The following FBN3 variants were observed in gnomAD, a reference collection of about 807,000 sequenced individuals.
FBN3 encodes fibrillin 3, also known as fibrillin-3.
Under a neutral mutation model 330.1 loss-of-function variants are expected in FBN3, and 234 were observed. The observed-to-expected ratio is 0.71, with a 90% CI of 0.64 to 0.79. The LOEUF (loss-of-function observed/expected upper bound fraction) is 0.79. FBN3 is among the 30% of genes least tolerant of loss of function. The pLI is 0.00. For missense variants in FBN3, 3,606 were observed against 3,886.9 expected (o/e 0.93, Z 1.92); for synonymous variants, 1,458 against 1,517.3 (o/e 0.96, Z 0.91).
intron 30 of FBN3, 52 bp from the exon 31 acceptor site, chr19:8,112,151 C>G (rs368882048): frequency 6.3e-7 from 1 of 1,588,586 alleles, no homozygotes; most frequent in Non-Finnish European, 8.6e-7. Flanking sequence ...AGGAAAGACT[C>G]GATGCAATAG....
chr19:8,126,437 G>A (rs1220384514), intron 20 of FBN3, 31 bp downstream of exon 20: 3 of 1,602,612 alleles, frequency 1.9e-6, no homozygotes, highest in Non-Finnish European at 1.7e-6. Flanking sequence ...TTTTCCCATG[G>A]GTGCCTGGGA....
At position 8,138,275 on chromosome 19, in the gene FBN3, T is replaced by C. The variant is rs1399998747; in HGVS notation, c.1067A>G (p.His356Arg). The C allele has an allele frequency of 9.3e-6, 15 of 1,612,580 alleles. No homozygotes were observed. Among genetic ancestry groups the C allele is most frequent in the Non-Finnish European group, 1.2e-5 (14 of 1,179,636 alleles). Residue 356 changes from histidine (H) to arginine (R), a missense_variant, in exon 10 of 64, where the codon CAC (histidine) becomes CGC (arginine). Transcript: ENST00000600128. ...CAGGAGGCCAGGGAAGAGGCCAGGG[T>C]GGCCGGGTAGCAGCGGCAGCCGCTG... Reference protein sequence around the residue: ...CAQRLPLLPGHPGLFPGLLGF... With the variant: ...CAQRLPLLPGRPGLFPGLLGF...
rs1271159040 is a variant in FBN3 at position 8,086,993 on chromosome 19, A to ACCGTG, written c.6754+79_6754+83dup. On this transcript the variant is annotated intron_variant, in intron 54 of 63. Coordinates refer to ENST00000600128, the MANE Select transcript of FBN3 (RefSeq NM_032447.5). ...AGTGCTGGGATGACAGGTATGAGTC[A>ACCGTG]CCGTGCCCGGTCCAACCCTCTTGCT... 2.0e-6 allele frequency: 3 copies of ACCGTG among 1,502,158 alleles called. No individual in the cohort carries two copies. In the East Asian group the frequency reaches 7.6e-5, roughly 38 times the overall value. 93.1% of individuals were successfully genotyped at this position (1,502,158 alleles called of 1,614,324 possible). A position where few individuals can be genotyped will look rare whatever the true frequency, so the allele number is the denominator to read the frequency against.
chr19:8,105,146 G>A (rs1231482138), intron 38 of FBN3, among the ~76,000 whole-genome samples: 2 of 151,642 alleles, frequency 1.3e-5, no homozygotes, highest in African/African-American at 4.8e-5. Context: ...GTAGAGATGG[G>A]GTTTCACTAT....
chr19:8,124,073 G>A, intron 22 of FBN3, 65 bp from the exon 23 acceptor site: 1 of 1,374,496 alleles, frequency 7.3e-7, no homozygotes, highest in South Asian at 1.2e-5. Flanking sequence ...GGACAGGCGT[G>A]CCGCTCAGTC....
Position 8,081,353 on chromosome 19 carries a change from A to G in FBN3, c.7336+5T>C. The G allele has an allele frequency of 6.3e-7, 1 of 1,596,010 alleles. No individual in the cohort carries two copies. The highest frequency in any genetic ancestry group is 8.5e-7 in the Non-Finnish European group (1 of 1,171,350). ...GGGAGTGGGGGAGAGTTGAAAGGAC[A>G]TCACCTTTGCAGGTCCTGCCATCCT... On this transcript the variant is annotated splice_donor_5th_base_variant and intron_variant, in intron 58 of 63. Transcript: ENST00000600128.
At chr19:8,117,768 A>G (rs944778968) in intron 26 of FBN3, among the ~76,000 whole-genome samples, 179 bp from the exon 27 acceptor site, 1 of 152,050 alleles carries the variant, frequency 6.6e-6, no homozygotes, top group Non-Finnish European at 1.5e-5. Context: ...TCACTCTCCT[A>G]TAAGCACAGA....
At position 8,106,103 on chromosome 19, in the gene FBN3, C is replaced by T. The variant is rs776739284; in HGVS notation, c.4813+5G>A. The T allele has an allele frequency of 1.9e-6, 3 of 1,614,052 alleles. No homozygotes were observed. The highest frequency in any genetic ancestry group is 2.5e-6 in the Non-Finnish European group (3 of 1,179,934). ...TGACCCACCCCAAAGAGAATCCATG[C>T]TCACCCTCACAGATGCGGGTGTGCT... On this transcript the variant is annotated splice_donor_5th_base_variant and intron_variant, in intron 38 of 63. Coordinates refer to ENST00000600128, the MANE Select transcript of FBN3 (RefSeq NM_032447.5).
chr19:8,090,170 C>A lies in FBN3; in HGVS notation c.6113G>T (p.Arg2038Leu), dbSNP rs773707233. 2.5e-6 allele frequency: 4 copies of A among 1,614,058 alleles called. No individual in the cohort carries two copies. The South Asian group carries it at 4.4e-5, about 18-fold the overall frequency. The change falls in exon 49 of 64, where the codon CGC (arginine) becomes CTC (leucine). Residue 2038 changes from arginine to leucine, a missense_variant. Transcript: ENST00000600128. ...VPKAFNTTKT[R>L]CCCSKRPGEG... ...CCCAGGCCTCTTACTGCAGCAGCAG[C>A]GGGTCTTGGTGGTGTTGAAAGCTTT... is the stretch of plus-strand genomic sequence containing the variant.
intron 54 of FBN3, 110 bp downstream of exon 54, chr19:8,086,963 CCCAA>C: frequency 3.0e-6 from 4 of 1,346,396 alleles, no homozygotes; most frequent in Non-Finnish European, 4.0e-6. Context: ...GCCTCAGCCT[CCCAA>C]AGTGCTGGGA....
chr19:8,109,289 C>T lies in FBN3; in HGVS notation c.4556G>A (p.Cys1519Tyr). 6.2e-7 allele frequency: 1 copy of T among 1,614,200 alleles called. No homozygotes were observed. The highest frequency in any genetic ancestry group is 8.5e-7 in the Non-Finnish European group (1 of 1,180,040). The change falls in exon 36 of 64, where the codon TGC (cysteine) becomes TAC (tyrosine). Residue 1519 changes from cysteine to tyrosine, a missense_variant. Transcript: ENST00000600128. The surrounding 1 kb of genome is among the most constrained non-coding windows in gnomAD (Gnocchi z 5.2). ...CCAAGCCCGGCCCAGGGAGCAACAG[C>T]AGGAAGCTCGGGTGACACCAACTCC... ...EIGVGVTRASCCCSLGRAWGN... is the reference protein window; with the variant it reads ...EIGVGVTRASYCCSLGRAWGN...
At position 8,066,045 on chromosome 19, in the gene FBN3, C is replaced by G; in HGVS notation, c.8304G>C (p.Pro2768=). The G allele has an allele frequency of 6.2e-7, 1 of 1,613,160 alleles. No individual in the cohort carries two copies. Among genetic ancestry groups the G allele is most frequent in the Non-Finnish European group, 8.5e-7 (1 of 1,179,980 alleles). ...CCTCCAGCCGGTAGGTTCCAGGCCC[C>G]GGCCGCCTCCGCCCCAGCTGCAGGG... is the stretch of plus-strand genomic sequence containing the variant. ...VSSLQLGRRR[P]GPGTYRLEVV... The change falls in exon 64 of 64, where the codon CCG becomes CCC. Residue 2768 remains proline (P), a synonymous_variant. Transcript: ENST00000600128.
chr19:8,119,094 C>T (rs963347606), intron 25 of FBN3, 72 bp from the exon 26 acceptor site: 15 of 1,506,758 alleles, frequency 1.0e-5, no homozygotes, highest in Middle Eastern at 1.8e-4. Context: ...GAGGCTCATG[C>T]TGGCTTCTCT....
Position 8,129,252 on chromosome 19 carries a change from T to C in FBN3, c.2158A>G (p.Lys720Glu). 2 of 1,614,102 alleles carry C rather than the reference T, an allele frequency of 1.2e-6. No individual in the cohort carries two copies. Among genetic ancestry groups the C allele is most frequent in the Non-Finnish European group, 1.7e-6 (2 of 1,180,012 alleles). ...GTGGCATGCTCACCTGTGCAGTCCT[T>C]GCCTGAGGCACCTGCCTCATAACCC... ...NLGYEAGASG[K>E]DCTDVDECAL... The change falls in exon 17 of 64, where the codon AAG (lysine) becomes GAG (glutamate). Residue 720 changes from lysine (K) to glutamate (E), a missense_variant. Transcript: ENST00000600128. This position sits in a 1 kb window ranked among gnomAD's most constrained non-coding sequence, Gnocchi z 4.5.
Position 8,091,401 on chromosome 19 carries a change from T to A in FBN3, c.6031+64A>T. On this transcript the variant is annotated intron_variant, in intron 48 of 63. Transcript: ENST00000600128. ...CACAAGAAACCACAGCCCTCTTTTC[T>A]GGGCAATCTGACCCTTCCCCGCCCC... is the stretch of plus-strand genomic sequence containing the variant. 1.3e-6 allele frequency: 2 copies of A among 1,582,520 alleles called. 1 individual carries two copies. Among genetic ancestry groups the A allele is most frequent in the South Asian group, 2.3e-5 (2 of 86,388 alleles).
At position 8,126,316 on chromosome 19, in the gene FBN3, C is replaced by T; in HGVS notation, c.2586G>A (p.Met862Ile). The T allele has an allele frequency of 6.3e-7, 1 of 1,589,826 alleles. No individual in the cohort carries two copies. Residue 862 changes from methionine (M) to isoleucine (I), a missense_variant, in exon 21 of 64, where the codon ATG becomes ATA. Physicochemically the swap from Met to Ile is conservative, Grantham distance 10. Coordinates refer to ENST00000600128, the MANE Select transcript of FBN3 (RefSeq NM_032447.5). ...DPACARGFAR[M>I]TGVTCDDVNE... is the part of the protein sequence containing the mutation. ...AGTTACCATCGCAGGTGACACCCGT[C>T]ATCCGGGCAAAGCCCCGGGCACAGG...
At chr19:8,091,413 C>T in intron 48 of FBN3, 52 bp downstream of exon 48, 1 of 1,599,476 alleles carries the variant, frequency 6.3e-7, no homozygotes, top group South Asian at 1.1e-5. Context: ...GGCAATCTGA[C>T]CCTTCCCCGC....
intron 47 of FBN3, 125 bp downstream of exon 47, chr19:8,094,321 G>A (rs2082162047): frequency 2.0e-6 from 2 of 1,007,278 alleles, no homozygotes; most frequent in Admixed American, 5.7e-5. Context: ...TTATGAAGCT[G>A]TGTTTGACGC....
Position 8,147,344 on chromosome 19 carries a change from C to A in FBN3, c.137G>T (p.Arg46Leu), listed in dbSNP as rs762037436. ...ALEAAGPGRV[R>L]RRGSPGILQG... is the part of the protein sequence containing the mutation. ...CAAGATGCCTGGGCTGCCCCGCCTCCGCACACGTCCAGGACCTGCAGCCTC... is the reference window on the plus strand; with the variant it reads ...CAAGATGCCTGGGCTGCCCCGCCTCAGCACACGTCCAGGACCTGCAGCCTC... Residue 46 changes from arginine (R) to leucine (L), a missense_variant, in exon 2 of 64, where the codon CGG (arginine) becomes CTG (leucine). By Grantham distance (102) the Arg-to-Leu change is moderately radical. Transcript: ENST00000600128. 3 of 1,600,986 alleles carry A rather than the reference C, an allele frequency of 1.9e-6. No homozygotes were observed. In the South Asian group the frequency reaches 3.4e-5, roughly 18 times the overall value.
Sources: allele counts gnomAD v4.1 joint callset (sites outside exome capture counted in the v4.1 genomes callset), GRCh38; gene constraint gnomAD v4.1.1; non-coding constraint Gnocchi (gnomAD v3.1); transcripts MANE v1.5; gene names NCBI Gene and HGNC (gene_info 2026-07-23, HGNC 2026-07-21).